The following NLE1 variants were observed in gnomAD, a reference collection of about 807,000 sequenced individuals.
NLE1 encodes the protein notchless protein homolog 1.
A neutral mutation model predicts 62.8 loss-of-function variants in NLE1; 37 were observed. The ratio of observed to expected loss-of-function variants is 0.59; its 90% confidence interval spans 0.45 to 0.78. The LOEUF (loss-of-function observed/expected upper bound fraction) is 0.78, where lower values mean the gene tolerates loss of function less well. Ranked by LOEUF, NLE1 falls within the 30% of genes least tolerant of loss-of-function variation. The pLI is 0.00. For missense variants in NLE1, 555 were observed against 637.9 expected (o/e 0.87, Z 1.40); for synonymous variants, 243 against 253.0 (o/e 0.96, Z 0.37).
At chr17:35,137,754 G>T in intron 5 of NLE1, 60 bp downstream of exon 5, 1 of 922,240 alleles carries the variant, frequency 1.1e-6, no homozygotes, top group Non-Finnish European at 1.7e-6. Context: ...ACCTGATTCT[G>T]AACTGTCTCC....
rs2091871372 is a variant in NLE1 at position 35,130,606 on chromosome 17, T to C, written c.*1831A>G. The C allele has an allele frequency of 3.0e-6, 2 of 658,554 alleles. No homozygotes were observed. Among genetic ancestry groups the C allele is most frequent in the Non-Finnish European group, 5.1e-6 (2 of 395,130 alleles). The allele number at this position is 658,554 out of a possible 1,614,324, so 40.8% of individuals were successfully genotyped here. ...GGCCAAGGCTACATAGGGGCCCCAT[T>C]CACCTGGAGGCATCTCAGGCCAGGC... On this transcript the variant is annotated 3_prime_UTR_variant, in exon 13 of 13. Transcript: ENST00000442241.
intron 7 of NLE1, 90 bp from the exon 8 acceptor site, chr17:35,136,587 T>C (rs1022623776): frequency 1.4e-6 from 2 of 1,449,284 alleles, no homozygotes; most frequent in South Asian, 1.3e-5. Context: ...AGACTAATAA[T>C]CATCATCACT....
Position 35,135,331 on chromosome 17 carries a change from C to G in NLE1, c.1132G>C (p.Val378Leu), listed in dbSNP as rs1396371727. 4 of 1,614,078 alleles carry G rather than the reference C, an allele frequency of 2.5e-6. No homozygotes were observed. Among genetic ancestry groups the G allele is most frequent in the East Asian group, 2.2e-5 (1 of 44,894 alleles). Reference protein sequence around the residue: ...MTGHQALINQVLFSPDSRIVA... With the variant: ...MTGHQALINQLLFSPDSRIVA... ...ATGCGGGAGTCAGGAGAGAAGAGCA[C>G]CTGGTTGATGAGAGCTTGGTGTCCT... The change falls in exon 10 of 13, where the codon GTG becomes CTG. Residue 378 changes from valine (V) to leucine (L), a missense_variant. Coordinates refer to ENST00000442241, the MANE Select transcript of NLE1 (RefSeq NM_018096.5).
intron 12 of NLE1, 114 bp downstream of exon 12, chr17:35,133,057 G>C (rs1416484419): frequency 2.8e-6 from 3 of 1,057,726 alleles, no homozygotes; most frequent in Non-Finnish European, 4.4e-6. Context: ...CCTCAAGACA[G>C]TCTGAGCACC....
rs1039891873 is a variant in NLE1, at chr17:35,130,627, C to T, written c.*1810G>A. 6.0e-5 allele frequency: 35 copies of T among 587,302 alleles called. No individual in the cohort carries two copies. Among genetic ancestry groups the T allele is most frequent in the Non-Finnish European group, 9.2e-5 (31 of 335,458 alleles). 36.4% of individuals were successfully genotyped at this position (587,302 alleles called of 1,614,324 possible). On this transcript the variant is annotated 3_prime_UTR_variant, in exon 13 of 13. Coordinates refer to ENST00000442241, the MANE Select transcript of NLE1 (RefSeq NM_018096.5). ...CCATTCACCTGGAGGCATCTCAGGC[C>T]AGGCCATGCCAGGCTCAGCCACTGC...
intron 10 of NLE1, chr17:35,134,810 G>A (rs950191006): frequency 2.9e-6 from 1 of 349,914 alleles, no homozygotes; most frequent in East Asian, 7.8e-5. Flanking sequence ...CCAGCACTTT[G>A]GGAGGCCGAG....
In NLE1 at chr17:35,129,353, T is replaced by A; in HGVS notation, c.*3084A>T. 1.3e-6 allele frequency: 2 copies of A among 1,563,086 alleles called. No individual in the cohort carries two copies. Among genetic ancestry groups the A allele is most frequent in the Admixed American group, 1.7e-5 (1 of 57,458 alleles). ...TGGGCATGGGACGTCCTGACCCCAG[T>A]TGGGAGGGTGAAGGGACAGGAAGGA... On this transcript the variant is annotated 3_prime_UTR_variant, in exon 13 of 13. Coordinates refer to ENST00000442241, the MANE Select transcript of NLE1 (RefSeq NM_018096.5).
chr17:35,137,546 T>A lies in NLE1; in HGVS notation c.632A>T (p.His211Leu), dbSNP rs1462114788. The part of the protein sequence containing the change: ...WITGLSWEPL[H>L]ANPECRYVAS... ...CAGCTCCGTCAGTGTCACTTACGCA[T>A]GGAGGGGCTCCCAGCTCAGGCCTGT... The change falls in exon 6 of 13, where the codon CAT (histidine) becomes CTT (leucine). Residue 211 changes from histidine to leucine, a missense_variant. His to Leu is a moderately conservative substitution (Grantham distance 99). Coordinates refer to ENST00000442241, the MANE Select transcript of NLE1 (RefSeq NM_018096.5). 6.2e-7 allele frequency: 1 copy of A among 1,607,854 alleles called. No homozygotes were observed.
In NLE1 at chr17:35,132,313, C is replaced by A; in HGVS notation, c.*124G>T. Reference sequence around the variant, plus strand: ...TCTATCGAGGACAGCAGGCCACACGCATTCTCAGGTCCCCACTGGTGGGGA... The same window carrying A: ...TCTATCGAGGACAGCAGGCCACACGAATTCTCAGGTCCCCACTGGTGGGGA... On this transcript the variant is annotated 3_prime_UTR_variant, in exon 13 of 13. Transcript: ENST00000442241. 2 of 792,438 alleles carry A rather than the reference C, an allele frequency of 2.5e-6. No individual in the cohort carries two copies. The highest frequency in any genetic ancestry group is 3.7e-6 in the Non-Finnish European group (2 of 547,134). The allele number at this position is 792,438 out of a possible 1,614,324, so 49.1% of individuals were successfully genotyped here.
rs182846360 is a variant in NLE1, at chr17:35,130,950, A to G, written c.*1487T>C. 2 of 157,060 alleles carry G rather than the reference A, an allele frequency of 1.3e-5. No homozygotes were observed. Among genetic ancestry groups the G allele is most frequent in the Admixed American group, 1.2e-4 (2 of 16,614 alleles). The allele number at this position is 157,060 out of a possible 1,614,324, so 9.7% of individuals were successfully genotyped here. On this transcript the variant is annotated 3_prime_UTR_variant, in exon 13 of 13. Transcript: ENST00000442241. ...AGGCTCTTACACCAGAAAAATACAG[A>G]AATAGCTGTCATGGACAGACGTGGT...
intron 10 of NLE1, among the ~76,000 whole-genome samples, chr17:35,134,251 G>T (rs1438569865): frequency 6.6e-6 from 1 of 152,196 alleles, no homozygotes. Flanking sequence ...AGGTGATGCT[G>T]ATGCCGCTGG....
rs1567743246 is a variant in NLE1 at position 35,132,320 on chromosome 17, AGGTCCCCACT to A, written c.*107_*116del. The A allele has an allele frequency of 1.2e-6, 1 of 851,496 alleles. No homozygotes were observed. Among genetic ancestry groups the A allele is most frequent in the Non-Finnish European group, 1.7e-6 (1 of 599,748 alleles). 52.7% of individuals were successfully genotyped at this position (851,496 alleles called of 1,614,324 possible). On this transcript the variant is annotated 3_prime_UTR_variant, in exon 13 of 13. Transcript: ENST00000442241. ...AGGACAGCAGGCCACACGCATTCTC[AGGTCCCCACT>A]GGTGGGGAGGGTGTGTGCACTGCCA...
Position 35,132,919 on chromosome 17 carries a change from C to T in NLE1, c.1445+252G>A, listed in dbSNP as rs76793373. ...GGCCCCTGTTGTTCCGGTGGCCCTC[C>T]CACTTGCCCACTGACAGAAAGACCT... is the stretch of plus-strand genomic sequence containing the variant. On this transcript the variant is annotated intron_variant, in intron 12 of 12. Transcript: ENST00000442241. Among the ~76,000 whole-genome samples the T allele has an allele frequency of 7.5e-3, 1,139 of 151,962 alleles. 38 individuals are homozygous for T. In the East Asian group the frequency reaches 0.11, roughly 14 times the overall value.
chr17:35,135,838 A>G (rs2142504021), intron 9 of NLE1, among the ~76,000 whole-genome samples: 1 of 152,302 alleles, frequency 6.6e-6, no homozygotes, highest in South Asian at 2.1e-4. Context: ...GTGGCACTGG[A>G]TGCTACAATA....
intron 2 of NLE1, among the ~76,000 whole-genome samples, chr17:35,140,419 G>A (rs1275912977): frequency 6.6e-6 from 1 of 151,626 alleles, no homozygotes; most frequent in Non-Finnish European, 1.5e-5. Flanking sequence ...AGTAGATACG[G>A]GGTTTCGCCA....
chr17:35,140,418 G>A (rs1347800957), intron 2 of NLE1, among the ~76,000 whole-genome samples: 3 of 148,300 alleles, frequency 2.0e-5, no homozygotes, highest in South Asian at 4.3e-4. Context: ...TAGTAGATAC[G>A]GGGTTTCGCC....
intron 10 of NLE1, among the ~76,000 whole-genome samples, chr17:35,134,432 C>T (rs2091896668): frequency 6.6e-6 from 1 of 151,864 alleles, no homozygotes; most frequent in Admixed American, 6.6e-5. Flanking sequence ...CACAGTATCA[C>T]TCTGTTGCCC....
intron 12 of NLE1, 57 bp downstream of exon 12, chr17:35,133,111 CAGA>C (rs2091886953): frequency 6.7e-7 from 1 of 1,495,200 alleles, no homozygotes. Context: ...AAAGTGTGCA[CAGA>C]AGGACCTTAG....
At chr17:35,141,182 G>T (rs2091941420) in intron 2 of NLE1, among the ~76,000 whole-genome samples, 1 of 152,184 alleles carries the variant, frequency 6.6e-6, no homozygotes, top group Non-Finnish European at 1.5e-5. Context: ...CTGGGATGGG[G>T]TCCAGGAACT....
Sources: gnomAD v4.1 joint callset for allele counts (sites outside exome capture counted in the v4.1 genomes callset) on GRCh38, gnomAD v4.1.1 for gene constraint, MANE v1.5 for transcripts, NCBI Gene and HGNC (gene_info 2026-07-23, HGNC 2026-07-21) for gene names.